Variants in UBE2E3 observed in about 807,000 individuals in gnomAD.
The protein encoded by UBE2E3 is ubiquitin conjugating enzyme E2 E3.
A neutral mutation model predicts 23.6 loss-of-function variants in UBE2E3; 5 were observed. That is an observed-to-expected ratio of 0.21 (90% CI 0.11 to 0.44). The LOEUF (loss-of-function observed/expected upper bound fraction) is 0.44, where lower values mean the gene tolerates loss of function less well. UBE2E3 is among the 20% of genes least tolerant of loss of function. The probability of loss-of-function intolerance (pLI) is 0.99; values close to 1 mark genes in which losing one functional copy is unlikely to be tolerated. For synonymous variants in UBE2E3, 78 were observed against 87.5 expected (o/e 0.89, Z 0.60); for missense variants, 81 against 249.8 (o/e 0.32, Z 4.55).
At chr2:181,009,698 C>G in intron 3 of UBE2E3, among the ~76,000 whole-genome samples, 1 of 152,024 alleles carries the variant, frequency 6.6e-6, no homozygotes, top group East Asian at 1.9e-4. Flanking sequence ...TTTCTAACTT[C>G]TACTTAAGTG....
chr2:181,003,000 C>A (rs1004377656), intron 3 of UBE2E3, among the ~76,000 whole-genome samples: 10 of 152,220 alleles, frequency 6.6e-5, no homozygotes, highest in Non-Finnish European at 1.3e-4. Context: ...TTTTGAAACA[C>A]ATCTCTCTGC....
chr2:181,028,218 G>T (rs1192319354), intron 3 of UBE2E3, among the ~76,000 whole-genome samples: 1 of 151,868 alleles, frequency 6.6e-6, no homozygotes, highest in African/African-American at 2.4e-5. Flanking sequence ...CTTGTTTTAA[G>T]ATTTATTTGA....
chr2:181,024,804 C>T (rs1362012077), intron 3 of UBE2E3, among the ~76,000 whole-genome samples: 2 of 151,926 alleles, frequency 1.3e-5, no homozygotes, highest in African/African-American at 4.8e-5. Context: ...AATATGTGAT[C>T]TCCAGCATCA....
At chr2:181,059,542 A>T (rs1687076498) in intron 4 of UBE2E3, among the ~76,000 whole-genome samples, 1 of 151,782 alleles carries the variant, frequency 6.6e-6, no homozygotes, top group Non-Finnish European at 1.5e-5. Flanking sequence ...AACATATTAA[A>T]AATATTGTCA....
At chr2:181,023,506 C>G (rs567446856) in intron 3 of UBE2E3, among the ~76,000 whole-genome samples, 13 of 152,250 alleles carry the variant, frequency 8.5e-5, no homozygotes, top group Admixed American at 3.3e-4. Context: ...TTAAAGGAAT[C>G]ATGAATTGCT....
chr2:180,987,359 A>G, intron 3 of UBE2E3: 1 of 1,550,082 alleles, frequency 6.5e-7, no homozygotes, highest in Non-Finnish European at 8.7e-7. Context: ...GTCCTCTCCT[A>G]GTCACCACTT....
intron 3 of UBE2E3, among the ~76,000 whole-genome samples, chr2:181,038,556 G>A (rs1686373503): frequency 1.3e-5 from 2 of 152,104 alleles, no homozygotes. Flanking sequence ...TATGCCCTTG[G>A]ATTAAGTAAA....
rs1685325927 is a variant in UBE2E3, at chr2:181,011,493, T to C, written c.245+27400T>C. Among the ~76,000 whole-genome samples, 2 of 152,092 alleles carry C rather than the reference T, an allele frequency of 1.3e-5. 1 individual carries two copies. The highest frequency in any genetic ancestry group is 4.8e-5 in the African/African-American group (2 of 41,414). On this transcript the variant is annotated intron_variant, in intron 3 of 5. Coordinates refer to ENST00000410062, the MANE Select transcript of UBE2E3 (RefSeq NM_006357.4). ...TCACAGTGGCAGTCAAATCTCAGCC[T>C]GAGTTTTGGAGGGGACATTCAACCC...
intron 3 of UBE2E3, among the ~76,000 whole-genome samples, chr2:181,022,003 C>T (rs1685717588): frequency 6.6e-6 from 1 of 152,080 alleles, no homozygotes; most frequent in African/African-American, 2.4e-5. Flanking sequence ...ACTGCTCTGC[C>T]TTAAAACTTT....
At position 180,981,875 on chromosome 2, in the gene UBE2E3, C is replaced by T. The variant is rs560092913; in HGVS notation, c.-25-143C>T. ...TGACACATCACCTCCCTTGTACGTA[C>T]CCCTGTTGTACGATGAAATAAGTGT... On this transcript the variant is annotated intron_variant, in intron 1 of 5. Coordinates refer to ENST00000410062, the MANE Select transcript of UBE2E3 (RefSeq NM_006357.4). 3.8e-5 allele frequency: 24 copies of T among 623,472 alleles called. No individual in the cohort carries two copies. In the South Asian group the frequency reaches 4.9e-4, roughly 13 times the overall value. The allele number at this position is 623,472 out of a possible 1,614,324, so 38.6% of individuals were successfully genotyped here.
At chr2:181,017,579 C>T (rs1685535740) in intron 3 of UBE2E3, among the ~76,000 whole-genome samples, 1 of 151,486 alleles carries the variant, frequency 6.6e-6, no homozygotes, top group Admixed American at 6.6e-5. Context: ...TGCATACCAT[C>T]CTTTTGGGAA....
intron 3 of UBE2E3, among the ~76,000 whole-genome samples, chr2:181,006,916 A>G (rs904038919): frequency 2.0e-5 from 3 of 152,232 alleles, no homozygotes; most frequent in African/African-American, 7.2e-5. Context: ...GAGTAAAATT[A>G]CTTTAAAAGC....
intron 3 of UBE2E3, among the ~76,000 whole-genome samples, chr2:181,043,715 T>C (rs913852721): frequency 6.6e-6 from 1 of 152,166 alleles, no homozygotes; most frequent in Non-Finnish European, 1.5e-5. Context: ...CCATCCTCTT[T>C]TAAAATACAC....
chr2:181,015,957 A>G, intron 3 of UBE2E3, among the ~76,000 whole-genome samples: 2 of 138,512 alleles, frequency 1.4e-5, no homozygotes, highest in Non-Finnish European at 3.3e-5. Context: ...ACCATGGAGC[A>G]TGTTAGAGCA....
intron 3 of UBE2E3, among the ~76,000 whole-genome samples, chr2:181,009,798 G>T (rs1189764703): frequency 6.6e-6 from 1 of 152,016 alleles, no homozygotes; most frequent in Non-Finnish European, 1.5e-5. Context: ...CTATTTTATG[G>T]ATTTGTTGAT....
At chr2:181,026,564 A>T (rs775454060) in intron 3 of UBE2E3, among the ~76,000 whole-genome samples, 1 of 151,556 alleles carries the variant, frequency 6.6e-6, no homozygotes. Context: ...AGGCTGAGGA[A>T]ACAGAAAGTG....
At chr2:180,996,110 T>TA (rs895265520) in intron 3 of UBE2E3, among the ~76,000 whole-genome samples, 95 of 152,044 alleles carry the variant, frequency 6.2e-4, no homozygotes, top group South Asian at 1.2e-3. Context: ...TTTCTTAATT[T>TA]AAAAAAAACT....
chr2:180,993,300 A>G (rs540440565), intron 3 of UBE2E3, among the ~76,000 whole-genome samples: 17 of 152,334 alleles, frequency 1.1e-4, no homozygotes, highest in African/African-American at 3.8e-4. Flanking sequence ...GTTATTCACA[A>G]CAAATGAAGC....
intron 3 of UBE2E3, among the ~76,000 whole-genome samples, chr2:180,997,943 T>A (rs891933735): frequency 2.0e-5 from 3 of 152,162 alleles, no homozygotes; most frequent in Admixed American, 2.0e-4. Flanking sequence ...TATTGCCTCT[T>A]GTCATGTACC....
Sources: gnomAD v4.1 joint callset for allele counts (sites outside exome capture counted in the v4.1 genomes callset) on GRCh38, gnomAD v4.1.1 for gene constraint, MANE v1.5 for transcripts, NCBI Gene and HGNC (gene_info 2026-07-23, HGNC 2026-07-21) for gene names.